FSTL5: variants seen among roughly 807,000 people sequenced by gnomAD.
FSTL5 encodes the protein follistatin like 5, also known as follistatin-related protein 5.
FSTL5 carries 62 observed loss-of-function variants against 89.1 expected under a neutral mutation model. The observed-to-expected ratio is 0.70, with a 90% CI of 0.57 to 0.86. The LOEUF (loss-of-function observed/expected upper bound fraction) is 0.86, where lower values mean the gene tolerates loss of function less well. Ranked by LOEUF, FSTL5 falls within the 40% of genes least tolerant of loss-of-function variation. The pLI is 0.00. For missense variants in FSTL5, 1,057 were observed against 1,001.6 expected, an observed-to-expected ratio of 1.06 and a Z score of -0.75; for synonymous variants, 383 against 346.2, an observed-to-expected ratio of 1.11 and a Z score of -1.18.
At chr4:161,632,598 T>TGCATTTAA (rs913114974) in intron 7 of FSTL5, among the ~76,000 whole-genome samples, 1 of 152,218 alleles carries the variant, frequency 6.6e-6, no homozygotes, top group Non-Finnish European at 1.5e-5. Flanking sequence ...TTATAACTTG[T>TGCATTTAA]GCATTTAACT....
chr4:162,102,034 T>G (rs1301832130), intron 2 of FSTL5, among the ~76,000 whole-genome samples: 2 of 152,134 alleles, frequency 1.3e-5, no homozygotes, highest in African/African-American at 4.8e-5. Flanking sequence ...ACACCTATAT[T>G]TTATTTTTTG....
chr4:161,683,270 A>G (rs1014785280), intron 6 of FSTL5, among the ~76,000 whole-genome samples: 2 of 150,696 alleles, frequency 1.3e-5, no homozygotes, highest in Admixed American at 1.3e-4. Context: ...GGTGCTAGGA[A>G]TTTTTTGGCT....
At chr4:161,573,433 A>C in intron 8 of FSTL5, among the ~76,000 whole-genome samples, 1 of 140,784 alleles carries the variant, frequency 7.1e-6, no homozygotes, top group African/African-American at 2.6e-5. Flanking sequence ...AAAAAAAAAG[A>C]GAGAGAGAGA....
At chr4:161,653,958 G>T (rs1736424007) in intron 7 of FSTL5, among the ~76,000 whole-genome samples, 1 of 152,214 alleles carries the variant, frequency 6.6e-6, no homozygotes, top group East Asian at 1.9e-4. Flanking sequence ...AAATGAAACT[G>T]AAACTTTCTA....
chr4:161,459,058 C>T (rs1295116502), intron 14 of FSTL5, among the ~76,000 whole-genome samples, 154 bp downstream of exon 14: 1 of 55,558 alleles, frequency 1.8e-5, no homozygotes, highest in African/African-American at 7.4e-5. Flanking sequence ...ACATGAATGC[C>T]AACTTTTTTG....
At chr4:161,662,671 T>G (rs1736757383) in intron 6 of FSTL5, among the ~76,000 whole-genome samples, 1 of 151,266 alleles carries the variant, frequency 6.6e-6, no homozygotes. Flanking sequence ...CAGAAAAAAA[T>G]GGAGGAGAAG....
At chr4:161,870,387 G>A (rs1382506496) in intron 4 of FSTL5, among the ~76,000 whole-genome samples, 2 of 151,438 alleles carry the variant, frequency 1.3e-5, no homozygotes, top group Admixed American at 6.6e-5. Flanking sequence ...GAGAGCGAGA[G>A]GAGAGACAGT....
chr4:161,627,764 A>G (rs1735364727), intron 7 of FSTL5, among the ~76,000 whole-genome samples: 1 of 152,144 alleles, frequency 6.6e-6, no homozygotes, highest in Non-Finnish European at 1.5e-5. Flanking sequence ...TTTTTCTGGA[A>G]TATTAAAGTG....
intron 4 of FSTL5, among the ~76,000 whole-genome samples, chr4:161,856,502 T>C (rs1205165173): frequency 1.3e-5 from 2 of 152,012 alleles, no homozygotes; most frequent in Non-Finnish European, 2.9e-5. Context: ...CAAACATTTA[T>C]TGGGCATGTA....
intron 2 of FSTL5, among the ~76,000 whole-genome samples, chr4:162,104,381 A>G (rs2111391244): frequency 6.6e-6 from 1 of 152,282 alleles, no homozygotes; most frequent in African/African-American, 2.4e-5. Context: ...AGAGAACACG[A>G]GGCTTGCCAC....
chr4:161,917,658 T>C (rs1395069066), intron 4 of FSTL5, among the ~76,000 whole-genome samples: 1 of 152,188 alleles, frequency 6.6e-6, no homozygotes, highest in Non-Finnish European at 1.5e-5. Context: ...GTCAAGAAGA[T>C]ACAGAATAGT....
intron 3 of FSTL5, among the ~76,000 whole-genome samples, chr4:161,944,614 G>A (rs867647934): frequency 1.1e-4 from 17 of 151,612 alleles, no homozygotes; most frequent in South Asian, 2.1e-4. Flanking sequence ...AGAAAATTAC[G>A]TTATAAAAAG....
chr4:161,968,860 T>C (rs1035236815), intron 3 of FSTL5, among the ~76,000 whole-genome samples: 3 of 151,930 alleles, frequency 2.0e-5, no homozygotes, highest in African/African-American at 7.3e-5. Context: ...GACAGGAGAA[T>C]ACCTCTTGTC....
chr4:161,613,839 C>G (rs1381497678), intron 7 of FSTL5, among the ~76,000 whole-genome samples: 1 of 152,080 alleles, frequency 6.6e-6, no homozygotes, highest in African/African-American at 2.4e-5. Context: ...ATCTAAAAGT[C>G]ATGTTTGACA....
At chr4:161,636,464 T>TC (rs1175451708) in intron 7 of FSTL5, among the ~76,000 whole-genome samples, 1 of 150,086 alleles carries the variant, frequency 6.7e-6, no homozygotes, top group Non-Finnish European at 1.5e-5. Context: ...TTTTTTCTTT[T>TC]TTTTTTTTTT....
At chr4:161,472,394 CT>C (rs529826541) in intron 13 of FSTL5, among the ~76,000 whole-genome samples, 112 of 151,944 alleles carry the variant, frequency 7.4e-4, no homozygotes, top group Non-Finnish European at 1.3e-3. Flanking sequence ...GACTTTAGCT[CT>C]TTTTCTTTTT....
intron 4 of FSTL5, among the ~76,000 whole-genome samples, chr4:161,798,127 T>C (rs751562926): frequency 2.6e-5 from 4 of 151,846 alleles, no homozygotes; most frequent in Non-Finnish European, 4.4e-5. Context: ...ATGAAAAATT[T>C]ATGGCATACA....
intron 1 of FSTL5, among the ~76,000 whole-genome samples, chr4:162,113,407 G>C (rs1388844): frequency 2.6e-5 from 4 of 152,302 alleles, no homozygotes; most frequent in African/African-American, 7.2e-5. Flanking sequence ...CTGTCAAGAC[G>C]CTTCTCACCT....
Position 161,759,426 on chromosome 4 carries a change from ATTC to A in FSTL5, c.709_711del (p.Glu237del), listed in dbSNP as rs1740702913. 6.3e-7 allele frequency: 1 copy of A among 1,592,126 alleles called. No individual in the cohort carries two copies. Among genetic ancestry groups the A allele is most frequent in the South Asian group, 1.2e-5 (1 of 86,832 alleles). ...TTGTACTCACGGAATGCTCTATAAA[ATTC>A]TTCAAGAGCCAGGTGCTTGTCAGCA... On this transcript the variant is annotated inframe_deletion, in exon 6 of 16. Coordinates refer to ENST00000306100, the MANE Select transcript of FSTL5 (RefSeq NM_020116.5).
Sources: allele counts gnomAD v4.1 joint callset (sites outside exome capture counted in the v4.1 genomes callset), GRCh38; gene constraint gnomAD v4.1.1; transcripts MANE v1.5; gene names NCBI Gene and HGNC (gene_info 2026-07-23, HGNC 2026-07-21).